PCDHGB1: variants seen among roughly 807,000 people sequenced by gnomAD.
The protein encoded by PCDHGB1 is protocadherin gamma-B1.
PCDHGB1 carries 34 observed loss-of-function variants against 56.6 expected under a neutral mutation model. The observed-to-expected ratio is 0.60, with a 90% confidence interval of 0.46 to 0.80. The LOEUF is 0.80. Ranked by LOEUF, PCDHGB1 falls within the 30% of genes least tolerant of loss-of-function variation. PCDHGB1 has a pLI of 0.00. For missense variants in PCDHGB1, 1,278 were observed against 1,204.6 expected, an observed-to-expected ratio of 1.06 and a Z score of -0.90; for synonymous variants, 561 against 505.9, an observed-to-expected ratio of 1.11 and a Z score of -1.46.
At chr5:141,421,564 G>T (rs2096583836) in intron 1 of PCDHGB1, 2 of 1,613,864 alleles carry the variant, frequency 1.2e-6, no homozygotes, top group Admixed American at 3.3e-5. Flanking sequence ...TCTCGTGGAA[G>T]ACACCTTGAA....
At chr5:141,488,565 C>T (rs1308485284) in intron 1 of PCDHGB1, among the ~76,000 whole-genome samples, 1 of 152,174 alleles carries the variant, frequency 6.6e-6, no homozygotes, top group Non-Finnish European at 1.5e-5. Flanking sequence ...GAGATTTCCG[C>T]AAAGCATTGC....
chr5:141,396,477 A>C (rs920260792), intron 1 of PCDHGB1: 1 of 152,040 alleles, frequency 6.6e-6, no homozygotes, highest in Non-Finnish European at 1.5e-5. Context: ...AAAATTAGCC[A>C]GGCATGGTGG....
chr5:141,412,827 A>G (rs977931124), intron 1 of PCDHGB1, among the ~76,000 whole-genome samples: 2 of 152,236 alleles, frequency 1.3e-5, no homozygotes, highest in Non-Finnish European at 2.9e-5. Context: ...ATAGTAAATT[A>G]TTTAAAGATA....
rs564197257 is a variant in PCDHGB1, at chr5:141,458,715, A to G, written c.2410-36092A>G. On this transcript the variant is annotated intron_variant, in intron 1 of 3. Coordinates refer to ENST00000523390, the MANE Select transcript of PCDHGB1 (RefSeq NM_018922.3). ...CTCCCGAGTAGCTGGGATTACAGGT[A>G]TTCGCCACCACATCCAGCTATTGGT... Among the ~76,000 whole-genome samples the G allele has an allele frequency of 3.9e-5, 6 of 152,082 alleles. No homozygotes were observed. The East Asian group carries it at 9.7e-4, about 25-fold the overall frequency.
At chr5:141,409,396 C>A in intron 1 of PCDHGB1, 1 of 1,614,004 alleles carries the variant, frequency 6.2e-7, no homozygotes, top group Non-Finnish European at 8.5e-7. Flanking sequence ...ATTCTTCTTC[C>A]AATAACTACT....
Position 141,431,520 on chromosome 5 carries a change from A to T in PCDHGB1, c.2410-63287A>T. ...GAGTACCGCGCGAGCGTTCCGGAGA[A>T]TCTGGCCTTGGGCACGCAGCTGCTT... On this transcript the variant is annotated intron_variant, in intron 1 of 3. Transcript: ENST00000523390. The surrounding 1 kb of genome is among the most constrained non-coding windows in gnomAD (Gnocchi z 4.8). 6.2e-7 allele frequency: 1 copy of T among 1,614,068 alleles called. No homozygotes were observed. Among genetic ancestry groups the T allele is most frequent in the Non-Finnish European group, 8.5e-7 (1 of 1,180,020 alleles).
At position 141,393,564 on chromosome 5, in the gene PCDHGB1, G is replaced by A; in HGVS notation, c.2409+40895G>A. On this transcript the variant is annotated intron_variant, in intron 1 of 3. Coordinates refer to ENST00000523390, the MANE Select transcript of PCDHGB1 (RefSeq NM_018922.3). ...TCCTCACCCGATTTACCGAGTGAAA[G>A]TCCTTGAGAACATGCCCCCAGGCAC... is the stretch of plus-strand genomic sequence containing the variant. 1 of 1,613,932 alleles carries A rather than the reference G, an allele frequency of 6.2e-7. No individual in the cohort carries two copies. Among genetic ancestry groups the A allele is most frequent in the Non-Finnish European group, 8.5e-7 (1 of 1,179,894 alleles).
At chr5:141,400,498 A>G (rs1181845890) in intron 1 of PCDHGB1, 2 of 1,614,034 alleles carry the variant, frequency 1.2e-6, no homozygotes, top group Non-Finnish European at 1.7e-6. Flanking sequence ...TTGTAATTCC[A>G]GCGAGTCGAC....
rs761938460 is a variant in PCDHGB1 at position 141,393,330 on chromosome 5, AG to A, written c.2409+40662del. On this transcript the variant is annotated intron_variant, in intron 1 of 3. Coordinates refer to ENST00000523390, the MANE Select transcript of PCDHGB1 (RefSeq NM_018922.3). The stretch of plus-strand genomic sequence containing the variant: ...GAACTCCCTCCAGAGCTACCAGCTC[AG>A]CCCCAATCACCACTTCTCCCTGGAC... The A allele has an allele frequency of 3.7e-6, 6 of 1,611,072 alleles. No individual in the cohort carries two copies. In the African/African-American group the frequency reaches 6.8e-5, roughly 18 times the overall value.
chr5:141,396,814 G>C (rs573559857), intron 1 of PCDHGB1, among the ~76,000 whole-genome samples: 10 of 152,322 alleles, frequency 6.6e-5, no homozygotes, highest in African/African-American at 2.2e-4. Flanking sequence ...GTGTTCTACT[G>C]TATGGTGCAT....
At chr5:141,471,021 A>C (rs1399168691) in intron 1 of PCDHGB1, among the ~76,000 whole-genome samples, 1 of 136,940 alleles carries the variant, frequency 7.3e-6, no homozygotes, top group African/African-American at 2.7e-5. Flanking sequence ...CTGGTCAATC[A>C]TTTTTATTAA....
At chr5:141,427,371 G>A (rs772247790) in intron 1 of PCDHGB1, 3 of 458,018 alleles carry the variant, frequency 6.5e-6, no homozygotes, top group East Asian at 6.9e-5. Context: ...ACCCTGGACG[G>A]TGATCACTCT....
In PCDHGB1 at chr5:141,412,148, C is replaced by T. The variant is rs183538712; in HGVS notation, c.2409+59479C>T. ...GGACTTTGGCCTCTGATACAAACTG[C>T]CTAAGAGAAGAGATTATTTATACTG... On this transcript the variant is annotated intron_variant, in intron 1 of 3. Coordinates refer to ENST00000523390, the MANE Select transcript of PCDHGB1 (RefSeq NM_018922.3). The T allele has an allele frequency of 3.1e-4, 47 of 152,220 alleles. 2 individuals carry two copies. The highest frequency in any genetic ancestry group is 1.1e-3 in the African/African-American group (45 of 41,552). The allele number at this position is 152,220 out of a possible 1,614,324, so 9.4% of individuals were successfully genotyped here.
intron 3 of PCDHGB1, among the ~76,000 whole-genome samples, chr5:141,507,898 C>T (rs577177417): frequency 1.3e-5 from 2 of 152,310 alleles, no homozygotes; most frequent in East Asian, 1.9e-4. Flanking sequence ...TTCCTGAAGT[C>T]CAGCCCAGCC....
intron 1 of PCDHGB1, chr5:141,355,963 G>A: frequency 6.2e-7 from 1 of 1,613,836 alleles, no homozygotes; most frequent in Non-Finnish European, 8.5e-7. Context: ...TCGTGAGAAC[G>A]TTCCTGTAGG....
intron 1 of PCDHGB1, chr5:141,427,774 G>T: frequency 1.4e-6 from 2 of 1,420,908 alleles, no homozygotes; most frequent in Non-Finnish European, 2.0e-6. Context: ...TTGGAGCTGC[G>T]GGCACTGTCG....
At chr5:141,414,151 G>T in intron 1 of PCDHGB1, 2 of 1,600,336 alleles carry the variant, frequency 1.2e-6, no homozygotes, top group East Asian at 2.3e-5. Flanking sequence ...AATACAAGCA[G>T]AAGATGGAGG....
intron 3 of PCDHGB1, among the ~76,000 whole-genome samples, chr5:141,508,930 T>A (rs2099873149): frequency 6.6e-6 from 1 of 151,836 alleles, no homozygotes; most frequent in African/African-American, 2.4e-5. Context: ...CTTTTGGAGT[T>A]AATTAGGGAA....
At chr5:141,362,351 T>G (rs750661009) in intron 1 of PCDHGB1, 1 of 1,613,920 alleles carries the variant, frequency 6.2e-7, no homozygotes, top group East Asian at 2.2e-5. Context: ...GGACCTGGGG[T>G]TCTCCCCAAT....
Sources: allele counts gnomAD v4.1 joint callset (sites outside exome capture counted in the v4.1 genomes callset), GRCh38; gene constraint gnomAD v4.1.1; non-coding constraint Gnocchi (gnomAD v3.1); transcripts MANE v1.5; gene names NCBI Gene and HGNC (gene_info 2026-07-23, HGNC 2026-07-21).